Variants in PARD3B observed in about 807,000 individuals in gnomAD.
The protein encoded by PARD3B is par-3 family cell polarity regulator beta.
PARD3B carries 103 observed loss-of-function variants against 130.2 expected under a neutral mutation model. The observed-to-expected ratio is 0.79, with a 90% CI of 0.67 to 0.93. The LOEUF is 0.93. Among genes scored for constraint, PARD3B ranks in the 40% least tolerant of loss-of-function variants. The probability of loss-of-function intolerance (pLI) is 0.00; values close to 1 mark genes in which losing one functional copy is unlikely to be tolerated. For missense variants in PARD3B, 1,609 were observed against 1,499.2 expected (o/e 1.07, Z -1.21); for synonymous variants, 583 against 553.2 (o/e 1.05, Z -0.76).
intron 20 of PARD3B, among the ~76,000 whole-genome samples, chr2:205,450,028 A>G (rs1041540871): frequency 5.3e-5 from 8 of 152,196 alleles, no homozygotes; most frequent in Non-Finnish European, 1.2e-4. Flanking sequence ...GTTCAAATGT[A>G]TTAATTTTTC....
intron 2 of PARD3B, among the ~76,000 whole-genome samples, chr2:204,797,068 G>A (rs1194771079): frequency 1.3e-5 from 2 of 151,418 alleles, no homozygotes; most frequent in East Asian, 1.9e-4. Context: ...CCAGCTACTC[G>A]GGAGGCTGAG....
chr2:205,079,545 A>T (rs1295731701), intron 4 of PARD3B, among the ~76,000 whole-genome samples: 2 of 152,332 alleles, frequency 1.3e-5, no homozygotes, highest in Non-Finnish European at 2.9e-5. Context: ...GCATTAAGCC[A>T]TTCATGAGGG....
intron 4 of PARD3B, among the ~76,000 whole-genome samples, chr2:205,064,403 C>T (rs187595284): frequency 5.3e-5 from 8 of 152,126 alleles, no homozygotes; most frequent in Non-Finnish European, 1.0e-4. Context: ...GGGAGACATG[C>T]GTGGCTGCTA....
At chr2:205,101,349 G>A (rs1702774522) in intron 4 of PARD3B, among the ~76,000 whole-genome samples, 2 of 152,054 alleles carry the variant, frequency 1.3e-5, no homozygotes, top group Non-Finnish European at 2.9e-5. Context: ...ATACCCATTA[G>A]GATGAATAAA....
intron 2 of PARD3B, among the ~76,000 whole-genome samples, chr2:204,763,065 C>T (rs572584950): frequency 2.6e-5 from 4 of 152,180 alleles, no homozygotes; most frequent in African/African-American, 7.2e-5. Flanking sequence ...CGGCCTTGTT[C>T]GTTTTTCTTT....
intron 4 of PARD3B, among the ~76,000 whole-genome samples, chr2:205,053,563 C>T (rs577402382): frequency 7.9e-5 from 12 of 151,776 alleles, no homozygotes; most frequent in African/African-American, 2.9e-4. Context: ...TCGCTTGAAC[C>T]TGGGAGGCAG....
intron 22 of PARD3B, among the ~76,000 whole-genome samples, chr2:205,598,029 C>T (rs2054633845): frequency 6.6e-6 from 1 of 152,180 alleles, no homozygotes; most frequent in Admixed American, 6.5e-5. Context: ...ACGTGGCCCA[C>T]AGACCCTTTA....
chr2:204,721,133 T>C (rs973577066), intron 2 of PARD3B, among the ~76,000 whole-genome samples: 10 of 152,192 alleles, frequency 6.6e-5, no homozygotes, highest in Non-Finnish European at 1.2e-4. Flanking sequence ...CAGGCAAGTA[T>C]ACAGCTAAAA....
chr2:205,124,759 T>C lies in PARD3B; in HGVS notation c.1305+293T>C, dbSNP rs573602350. On this transcript the variant is annotated intron_variant, in intron 9 of 22. Transcript: ENST00000406610. ...TCTTAGAGTCCCTGTGAAATTTGGA[T>C]TGAATCTAAGAATTCAACATATATT... Among the ~76,000 whole-genome samples the C allele has an allele frequency of 8.4e-4, 128 of 152,284 alleles. 2 individuals carry two copies. The highest frequency in any genetic ancestry group is 2.8e-3 in the African/African-American group (117 of 41,560).
intron 14 of PARD3B, among the ~76,000 whole-genome samples, chr2:205,188,839 G>A (rs1238608848): frequency 6.6e-6 from 1 of 151,164 alleles, no homozygotes; most frequent in African/African-American, 2.4e-5. Context: ...GGGTGTTGGA[G>A]GGATGAGGCT....
At chr2:204,955,447 T>C (rs1308572598) in intron 2 of PARD3B, among the ~76,000 whole-genome samples, 1 of 152,208 alleles carries the variant, frequency 6.6e-6, no homozygotes, top group East Asian at 1.9e-4. Context: ...CCTTTATCCC[T>C]AACAGGATGG....
At chr2:204,821,917 C>T (rs1396816740) in intron 2 of PARD3B, among the ~76,000 whole-genome samples, 5 of 151,862 alleles carry the variant, frequency 3.3e-5, no homozygotes, top group East Asian at 1.9e-4. Flanking sequence ...AGCGTGAAAA[C>T]AAACTAATGC....
chr2:205,383,852 T>G (rs934100093), intron 18 of PARD3B, among the ~76,000 whole-genome samples: 1 of 152,098 alleles, frequency 6.6e-6, no homozygotes, highest in South Asian at 2.1e-4. Context: ...ATGTACTTGG[T>G]GTTCATAGGT....
intron 18 of PARD3B, among the ~76,000 whole-genome samples, chr2:205,360,371 A>G (rs923422130): frequency 2.6e-5 from 4 of 151,966 alleles, no homozygotes; most frequent in African/African-American, 9.7e-5. Flanking sequence ...ACATCATATT[A>G]TTTTCATTAG....
chr2:205,297,193 T>C (rs945460951), intron 16 of PARD3B, among the ~76,000 whole-genome samples: 1 of 152,122 alleles, frequency 6.6e-6, no homozygotes, highest in Non-Finnish European at 1.5e-5. Flanking sequence ...ATGGGATCAA[T>C]TGGCTGAGGT....
chr2:204,684,368 A>C (rs557038024), intron 1 of PARD3B, among the ~76,000 whole-genome samples: 58 of 152,244 alleles, frequency 3.8e-4, no homozygotes, highest in South Asian at 1.0e-3. Context: ...ATATCAAAAA[A>C]CTCAATGGAA....
intron 2 of PARD3B, among the ~76,000 whole-genome samples, chr2:204,804,291 AT>A (rs2125507643): frequency 6.6e-6 from 1 of 152,308 alleles, no homozygotes; most frequent in South Asian, 2.1e-4. Flanking sequence ...TAGACTGAAA[AT>A]AGGGGATAGA....
intron 18 of PARD3B, among the ~76,000 whole-genome samples, chr2:205,356,335 ATTATTT>A (rs1199195647): frequency 3.3e-5 from 5 of 152,098 alleles, no homozygotes; most frequent in African/African-American, 9.7e-5. Context: ...AAATGTTAAG[ATTATTT>A]TTATTTTTAT....
At chr2:205,226,033 C>T (rs372258540) in intron 15 of PARD3B, among the ~76,000 whole-genome samples, 2 of 152,172 alleles carry the variant, frequency 1.3e-5, no homozygotes, top group African/African-American at 2.4e-5. Flanking sequence ...CTCATTCTGT[C>T]ACCCAGGCTA....
Sources: gnomAD v4.1 joint callset for allele counts (sites outside exome capture counted in the v4.1 genomes callset) on GRCh38, gnomAD v4.1.1 for gene constraint, MANE v1.5 for transcripts, NCBI Gene and HGNC (gene_info 2026-07-23, HGNC 2026-07-21) for gene names.